TONSL: variants seen among roughly 807,000 people sequenced by gnomAD.
The protein encoded by TONSL is tonsoku-like protein.
Under a neutral mutation model 147.1 loss-of-function variants are expected in TONSL, and 112 were observed. The observed-to-expected ratio is 0.76, with a 90% CI of 0.65 to 0.89. TONSL has a LOEUF of 0.89. Ranked by LOEUF, TONSL falls within the 40% of genes least tolerant of loss-of-function variation. The pLI is 0.00. For missense variants in TONSL, 1,883 were observed against 1,864.6 expected, an observed-to-expected ratio of 1.01 and a Z score of -0.18; for synonymous variants, 868 against 801.5, an observed-to-expected ratio of 1.08 and a Z score of -1.40.
intron 11 of TONSL, among the ~76,000 whole-genome samples, chr8:144,439,035 C>G (rs1823596172): frequency 6.6e-6 from 1 of 152,130 alleles, no homozygotes; most frequent in Non-Finnish European, 1.5e-5. Context: ...GCCCGAGGCC[C>G]CCTCTGTCCA....
intron 5 of TONSL, 122 bp from the exon 6 acceptor site, chr8:144,442,534 G>T: frequency 6.8e-7 from 1 of 1,479,660 alleles, no homozygotes; most frequent in Non-Finnish European, 9.0e-7. Context: ...CCTTCTCCCA[G>T]TGTGTGGCAC....
Position 144,429,268 on chromosome 8 carries a change from G to A in TONSL, c.4012C>T (p.Gln1338Ter). ...GCGCAGAGGCGTCTGCTGCACAGCT[G>A]CAGTTCCCGGAGCTGCGCGGCTATC... ...DKIAAQLRELQLCSRRLCAED... is the reference protein window; with the variant it reads ...DKIAAQLREL Residue 1338 changes from glutamine to a stop codon, truncating the protein, a stop_gained, in exon 26 of 26, where the codon CAG (glutamine) becomes TAG (stop). Coordinates refer to ENST00000409379, the MANE Select transcript of TONSL (RefSeq NM_013432.5). LOFTEE classifies it low-confidence loss of function (END_TRUNC). The A allele has an allele frequency of 6.6e-7, 1 of 1,521,552 alleles. No individual in the cohort carries two copies. Among genetic ancestry groups the A allele is most frequent in the Non-Finnish European group, 8.8e-7 (1 of 1,133,908 alleles). The allele number at this position is 1,521,552 out of a possible 1,614,324, so 94.3% of individuals were successfully genotyped here. A position where few individuals can be genotyped will look rare whatever the true frequency, so the allele number is the denominator to read the frequency against.
In TONSL at chr8:144,434,102, G is replaced by A; in HGVS notation, c.3263C>T (p.Ala1088Val). ...GGTGCCCAGGGCAGCCACCAGCTCAGCCACACACTTGTCCCCCAGCCGGTT... is the reference window on the plus strand; with the variant it reads ...GGTGCCCAGGGCAGCCACCAGCTCAACCACACACTTGTCCCCCAGCCGGTT... ...AGNRLGDKCV[A>V]ELVAALGTMP... The change falls in exon 21 of 26, where the codon GCT (alanine) becomes GTT (valine). Residue 1088 changes from alanine to valine, a missense_variant. Transcript: ENST00000409379. The A allele has an allele frequency of 6.2e-7, 1 of 1,612,274 alleles. No individual in the cohort carries two copies. The highest frequency in any genetic ancestry group is 8.5e-7 in the Non-Finnish European group (1 of 1,179,656).
rs1184585160 is a variant in TONSL at position 144,440,883 on chromosome 8, C to T, written c.1012-13G>A. On this transcript the variant is annotated splice_polypyrimidine_tract_variant and intron_variant, in intron 8 of 25. Transcript: ENST00000409379. ...CAGCAAAACGCAGCTGGGGGCAGTG[C>T]CAGTGAGGCCAGGGGCTGCCACCCT... The T allele has an allele frequency of 6.2e-7, 1 of 1,612,422 alleles. No homozygotes were observed. The highest frequency in any genetic ancestry group is 8.5e-7 in the Non-Finnish European group (1 of 1,179,806).
chr8:144,432,976 C>G (rs1823273216), intron 22 of TONSL: 1 of 155,358 alleles, frequency 6.4e-6, no homozygotes, highest in Non-Finnish European at 1.4e-5. Flanking sequence ...GGGTGGGCAC[C>G]AGACGCCCCT....
chr8:144,430,835 CAGGAATGACAAGGACACCCCCGG>C (rs1372230962), intron 24 of TONSL, among the ~76,000 whole-genome samples: 2 of 152,322 alleles, frequency 1.3e-5, no homozygotes, highest in African/African-American at 4.8e-5. Flanking sequence ...GGCCGAGGCA[CAGGAATGACAAGGACACCCCCGG>C]AGGAGTGCTC....
In TONSL at chr8:144,442,409, C is replaced by T. The variant is rs779913077; in HGVS notation, c.582G>A (p.Gln194=). The change falls in exon 6 of 26, where the codon CAG becomes CAA. Residue 194 remains glutamine (Q), a synonymous_variant. Coordinates refer to ENST00000409379, the MANE Select transcript of TONSL (RefSeq NM_013432.5). ...YFRKSIFLAE[Q]NHLYEDLFRA... is the part of the protein sequence containing the mutation. Reference sequence around the variant, plus strand: ...GGAATAGGTCCTCGTAAAGGTGGTTCTGCCTGCAGAGGGGTGACGACCACT... The same window carrying T: ...GGAATAGGTCCTCGTAAAGGTGGTTTTGCCTGCAGAGGGGTGACGACCACT... The T allele has an allele frequency of 3.9e-6, 6 of 1,540,812 alleles. No homozygotes were observed. Among genetic ancestry groups the T allele is most frequent in the Non-Finnish European group, 5.3e-6 (6 of 1,142,470 alleles).
intron 13 of TONSL, 132 bp from the exon 14 acceptor site, chr8:144,437,231 TCTC>T: frequency 1.2e-6 from 1 of 841,062 alleles, no homozygotes; most frequent in Non-Finnish European, 1.9e-6. Flanking sequence ...GGCCCTGCCC[TCTC>T]CTCCTCCGGC....
rs1271874724 is a variant in TONSL at position 144,432,152 on chromosome 8, A to G, written c.3735+133T>C. On this transcript the variant is annotated intron_variant, in intron 23 of 25. Coordinates refer to ENST00000409379, the MANE Select transcript of TONSL (RefSeq NM_013432.5). The stretch of plus-strand genomic sequence containing the variant: ...CCCAGCTGTTTTTTCTAAACCTCCA[A>G]ACCTCTAACTCTCTCTGTAGAGCCC... The G allele has an allele frequency of 3.8e-6, 4 of 1,045,336 alleles. No individual in the cohort carries two copies. The Admixed American group carries it at 7.3e-5, about 19-fold the overall frequency. 64.8% of individuals were successfully genotyped at this position (1,045,336 alleles called of 1,614,324 possible).
chr8:144,438,213 A>AT (rs1280875231), intron 13 of TONSL: 2 of 548,146 alleles, frequency 3.6e-6, no homozygotes, highest in East Asian at 3.0e-5. Context: ...CGCTTTTTAA[A>AT]TTTTTTTGAA....
rs1271373530 is a variant in TONSL at position 144,443,970 on chromosome 8, C to A, written c.176G>T (p.Arg59Leu). Residue 59 changes from arginine to leucine, a missense_variant, in exon 3 of 26, where the codon CGC becomes CTC. Coordinates refer to ENST00000409379, the MANE Select transcript of TONSL (RefSeq NM_013432.5). ...QHWQELQLRE[R>L]ADDPLGCAVA... is the part of the protein sequence containing the mutation. ...GGCACAGCCCAGAGGGTCGTCAGCG[C>A]GCTCCCGAAGCTGCAGCTCCTGCCA... The A allele has an allele frequency of 1.2e-5, 19 of 1,541,632 alleles. No homozygotes were observed. Among genetic ancestry groups the A allele is most frequent in the Non-Finnish European group, 1.7e-5 (19 of 1,146,630 alleles).
At chr8:144,443,095 GC>G (rs1460002466) in intron 4 of TONSL, 42 bp downstream of exon 4, 1 of 1,534,370 alleles carries the variant, frequency 6.5e-7, no homozygotes, top group South Asian at 1.2e-5. Context: ...AGCCTCTTCG[GC>G]CCGAAGTTCA....
intron 23 of TONSL, among the ~76,000 whole-genome samples, chr8:144,431,546 G>A (rs1024202253): frequency 8.6e-5 from 13 of 151,506 alleles, no homozygotes; most frequent in African/African-American, 2.9e-4. Flanking sequence ...ACAGAGTCTC[G>A]CTCTGTCGCC....
intron 22 of TONSL, 108 bp downstream of exon 22, chr8:144,433,480 A>T (rs1195127543): frequency 9.3e-7 from 1 of 1,075,272 alleles, no homozygotes. Flanking sequence ...AGTAGCTGGG[A>T]CCACAGGTGT....
At position 144,436,091 on chromosome 8, in the gene TONSL, TC is replaced by T. The variant is rs2129642012; in HGVS notation, c.2341del (p.Glu781LysfsTer62). The T allele has an allele frequency of 6.4e-7, 1 of 1,568,134 alleles. No homozygotes were observed. The highest frequency in any genetic ancestry group is 8.6e-7 in the Non-Finnish European group (1 of 1,164,260). ...CCGGCTGGTGCTGGCTGTGGCTGCT[TC>T]CCTGTTGCTGGCGGGGCCAGGCGTC... ...AWTPGPASNREAATASTSRAA... is the reference protein window; with the variant it reads ...AWTPGPASNRXAATASTSRAA... On this transcript the variant is annotated frameshift_variant, in exon 17 of 26. Coordinates refer to ENST00000409379, the MANE Select transcript of TONSL (RefSeq NM_013432.5). LOFTEE classifies it high-confidence loss of function.
Position 144,429,301 on chromosome 8 carries a change from A to ACAGGCC in TONSL, c.3973_3978dup (p.Gly1325_Leu1326dup), listed in dbSNP as rs1564724396. 10 of 1,502,096 alleles carry ACAGGCC rather than the reference A, an allele frequency of 6.7e-6. No individual in the cohort carries two copies. Among genetic ancestry groups the ACAGGCC allele is most frequent in the Admixed American group, 2.1e-5 (1 of 47,804 alleles). 93.0% of individuals were successfully genotyped at this position (1,502,096 alleles called of 1,614,324 possible). On this transcript the variant is annotated inframe_insertion, in exon 26 of 26. Coordinates refer to ENST00000409379, the MANE Select transcript of TONSL (RefSeq NM_013432.5). ...CGGAGCTGCGCGGCTATCTTGTCCC[A>ACAGGCC]CAGGCCCAGGCCCAGGGGACCCTGG...
intron 4 of TONSL, 126 bp from the exon 5 acceptor site, chr8:144,442,932 G>A: frequency 7.4e-7 from 1 of 1,357,596 alleles, no homozygotes; most frequent in Non-Finnish European, 9.8e-7. Context: ...GGGTGCAAGT[G>A]TCCTGCGGCA....
chr8:144,440,908 T>G (rs751965159), intron 8 of TONSL, 38 bp from the exon 9 acceptor site: 7 of 1,612,362 alleles, frequency 4.3e-6, no homozygotes. Flanking sequence ...GCTGCCACCC[T>G]GGCCAGGCCT....
At position 144,442,407 on chromosome 8, in the gene TONSL, T is replaced by C. The variant is rs769471138; in HGVS notation, c.584A>G (p.Asn195Ser). The C allele has an allele frequency of 1.3e-6, 2 of 1,541,866 alleles. No individual in the cohort carries two copies. Among genetic ancestry groups the C allele is most frequent in the Non-Finnish European group, 1.8e-6 (2 of 1,142,794 alleles). ...GCGGAATAGGTCCTCGTAAAGGTGG[T>C]TCTGCCTGCAGAGGGGTGACGACCA... ...FRKSIFLAEQ[N>S]HLYEDLFRAR... The change falls in exon 6 of 26, where the codon AAC becomes AGC. Residue 195 changes from asparagine (N) to serine (S), a missense_variant. By Grantham distance (46) the Asn-to-Ser change is conservative. Coordinates refer to ENST00000409379, the MANE Select transcript of TONSL (RefSeq NM_013432.5).
Sources: gnomAD v4.1 joint callset for allele counts (sites outside exome capture counted in the v4.1 genomes callset) on GRCh38, gnomAD v4.1.1 for gene constraint, MANE v1.5 for transcripts, NCBI Gene and HGNC (gene_info 2026-07-23, HGNC 2026-07-21) for gene names.